Variants in ZNF559 observed in about 807,000 individuals in gnomAD.
ZNF559 encodes the protein putative protein product of Nbla00121.
A neutral mutation model predicts 14.2 loss-of-function variants in ZNF559; 17 were observed. The observed-to-expected ratio is 1.20, with a 90% CI of 0.82 to 1.80. ZNF559 has a LOEUF of 1.80. Ranked by LOEUF, ZNF559 falls within the 40% of genes most tolerant of loss-of-function variation. ZNF559 has a pLI of 0.00. For synonymous variants in ZNF559, 244 were observed against 212.4 expected (o/e 1.15, Z -1.29); for missense variants, 740 against 629.7 (o/e 1.18, Z -1.88).
chr19:9,327,714 CT>C (rs1170615531), intron 2 of ZNF559, among the ~76,000 whole-genome samples: 2 of 150,692 alleles, frequency 1.3e-5, no homozygotes, highest in East Asian at 1.9e-4. Flanking sequence ...GCCCTCTATA[CT>C]TTTTTTCTTT....
In ZNF559 at chr19:9,342,397, A is replaced by C. The variant is rs777418750; in HGVS notation, c.946A>C (p.Ile316Leu). 6.2e-7 allele frequency: 1 copy of C among 1,612,964 alleles called. No individual in the cohort carries two copies. Among genetic ancestry groups the C allele is most frequent in the African/African-American group, 1.3e-5 (1 of 75,012 alleles). ...FTCFSKLNIH[I>L]RVHTGEKPYE... ...TTGTTTCTCAAAACTCAACATTCAC[A>C]TAAGGGTTCACACTGGAGAAAAACC... The change falls in exon 7 of 7, where the codon ATA (isoleucine) becomes CTA (leucine). Residue 316 changes from isoleucine (I) to leucine (L), a missense_variant. Coordinates refer to ENST00000603380, the MANE Select transcript of ZNF559 (RefSeq NM_032497.3).
upstream of ZNF559, chr19:9,324,012 T>G: frequency 1.4e-6 from 1 of 729,076 alleles, no homozygotes; most frequent in Non-Finnish European, 2.2e-6. Context: ...CAGCTTGCAG[T>G]CAAGACCCCC....
At position 9,339,262 on chromosome 19, in the gene ZNF559, C is replaced by CA; in HGVS notation, c.104dup (p.Arg36GlufsTer13). The CA allele has an allele frequency of 1.2e-6, 2 of 1,613,918 alleles. No individual in the cohort carries two copies. The highest frequency in any genetic ancestry group is 8.5e-7 in the Non-Finnish European group (1 of 1,179,960). ...GGAGTGGACTTTGCTGGATCAAACT[C>CA]AGAGAAACTTATACAGAGATGTGAT... is the stretch of plus-strand genomic sequence containing the variant. On this transcript the variant is annotated frameshift_variant, in exon 5 of 7. Coordinates refer to ENST00000603380, the MANE Select transcript of ZNF559 (RefSeq NM_032497.3). LOFTEE classifies it high-confidence loss of function.
intron 4 of ZNF559, 80 bp from the exon 5 acceptor site, chr19:9,339,112 GC>G: frequency 6.3e-7 from 1 of 1,596,168 alleles, no homozygotes; most frequent in East Asian, 2.3e-5. Context: ...GTCAAGGCAT[GC>G]CAAGACAAGG....
chr19:9,338,670 A>G (rs2067373188), intron 4 of ZNF559, 88 bp downstream of exon 4: 2 of 998,338 alleles, frequency 2.0e-6, no homozygotes, highest in Non-Finnish European at 3.1e-6. Context: ...GGGCCCCTGC[A>G]AGCAAAGAGG....
intron 2 of ZNF559, among the ~76,000 whole-genome samples, chr19:9,329,306 T>A (rs2066811389): frequency 6.6e-6 from 1 of 152,222 alleles, no homozygotes; most frequent in Non-Finnish European, 1.5e-5. Flanking sequence ...CTATTTTGTC[T>A]GGGTGATCCA....
intron 2 of ZNF559, among the ~76,000 whole-genome samples, chr19:9,336,806 C>T (rs1043419346): frequency 5.9e-5 from 9 of 152,074 alleles, no homozygotes; most frequent in South Asian, 2.1e-4. Context: ...AGCCACCTGG[C>T]CTACATGATT....
chr19:9,342,213 A>G lies in ZNF559; in HGVS notation c.762A>G (p.Ser254=), dbSNP rs776009575. The G allele has an allele frequency of 4.4e-6, 7 of 1,595,096 alleles. No individual in the cohort carries two copies. Among genetic ancestry groups the G allele is most frequent in the Non-Finnish European group, 4.3e-6 (5 of 1,173,914 alleles). ...KACGKPFTES[S]YLTQHLRTHS... ...GTGGGAAACCCTTCACTGAGTCGTC[A>G]TATCTTACTCAACATTTAAGAACTC... is the stretch of plus-strand genomic sequence containing the variant. The change falls in exon 7 of 7, where the codon TCA becomes TCG. Residue 254 remains serine, a synonymous_variant. Transcript: ENST00000603380.
chr19:9,328,672 G>A (rs1281058766), intron 2 of ZNF559, among the ~76,000 whole-genome samples: 2 of 152,108 alleles, frequency 1.3e-5, no homozygotes, highest in African/African-American at 2.4e-5. Flanking sequence ...ACTGCGCCTG[G>A]CCTAAATGCA....
Position 9,339,978 on chromosome 19 carries a change from G to A in ZNF559, c.160+659G>A, listed in dbSNP as rs1215054733. On this transcript the variant is annotated intron_variant, in intron 5 of 6. Transcript: ENST00000603380. Reference sequence around the variant, plus strand: ...TTTTTTTGTATTTTTAGTAGGAACAGGGTTTCACTGTGTTAGCCAGGATGG... The same window carrying A: ...TTTTTTTGTATTTTTAGTAGGAACAAGGTTTCACTGTGTTAGCCAGGATGG... 1.1e-4 allele frequency among the ~76,000 whole-genome samples: 15 copies of A among 140,390 alleles called. No homozygotes were observed. The Admixed American group carries it at 1.1e-3, about 10-fold the overall frequency. The allele number at this position is 140,390 out of a possible 152,430, so 92.1% of individuals were successfully genotyped here.
At chr19:9,341,383 A>G in intron 6 of ZNF559, 199 bp downstream of exon 6, 2 of 759,708 alleles carry the variant, frequency 2.6e-6, no homozygotes, top group Non-Finnish European at 2.3e-6. Context: ...ATTTGTTTAC[A>G]TATTTCCTTC....
In ZNF559 at chr19:9,341,655, T is replaced by C. The variant is rs1019085684; in HGVS notation, c.244-40T>C. ...AGGGAGAATCTCAATGAAATAAATT[T>C]GGAAAACTTCTATGAACCATCATTA... is the stretch of plus-strand genomic sequence containing the variant. On this transcript the variant is annotated intron_variant, in intron 6 of 6. Coordinates refer to ENST00000603380, the MANE Select transcript of ZNF559 (RefSeq NM_032497.3). The C allele has an allele frequency of 1.2e-5, 20 of 1,603,636 alleles. No homozygotes were observed. In the African/African-American group the frequency reaches 2.7e-4, roughly 22 times the overall value.
intron 2 of ZNF559, among the ~76,000 whole-genome samples, chr19:9,331,089 G>A (rs1353485379): frequency 1.3e-5 from 2 of 152,098 alleles, no homozygotes; most frequent in African/African-American, 4.8e-5. Context: ...ATTTTTCTCA[G>A]TCATACAGAG....
rs139179191 is a variant in ZNF559, at chr19:9,336,872, G to T, written c.-119-924G>T. 5.9e-5 allele frequency among the ~76,000 whole-genome samples: 9 copies of T among 152,266 alleles called. No individual in the cohort carries two copies. In the East Asian group the frequency reaches 1.5e-3, roughly 26 times the overall value. On this transcript the variant is annotated intron_variant, in intron 2 of 6. Coordinates refer to ENST00000603380, the MANE Select transcript of ZNF559 (RefSeq NM_032497.3). ...ATTCAATAAGCCATTTGTGTTGGGG[G>T]TCCTCAAGACCACCACCCTCACGCT... is the stretch of plus-strand genomic sequence containing the variant.
chr19:9,332,133 A>G (rs933589372), intron 2 of ZNF559, among the ~76,000 whole-genome samples: 5 of 152,158 alleles, frequency 3.3e-5, no homozygotes, highest in Non-Finnish European at 5.9e-5. Flanking sequence ...ATTAGGCTGA[A>G]AATTTTTCTT....
upstream of ZNF559, chr19:9,324,145 C>G (rs761262952): frequency 1.3e-6 from 2 of 1,535,738 alleles, no homozygotes; most frequent in South Asian, 2.4e-5. Context: ...GTGGTCCTAG[C>G]CTTTGCGCGT....
intron 5 of ZNF559, among the ~76,000 whole-genome samples, chr19:9,340,403 G>C (rs1273891179): frequency 2.6e-5 from 4 of 152,000 alleles, no homozygotes; most frequent in Non-Finnish European, 5.9e-5. Flanking sequence ...ACTTTCTTTT[G>C]CTCTGACATT....
At position 9,339,260 on chromosome 19, in the gene ZNF559, C is replaced by G; in HGVS notation, c.101C>G (p.Thr34Ser). 1 of 1,613,886 alleles carries G rather than the reference C, an allele frequency of 6.2e-7. No homozygotes were observed. Among genetic ancestry groups the G allele is most frequent in the Non-Finnish European group, 8.5e-7 (1 of 1,179,938 alleles). The change falls in exon 5 of 7, where the codon ACT (threonine) becomes AGT (serine). Residue 34 changes from threonine to serine, a missense_variant. Transcript: ENST00000603380. The stretch of plus-strand genomic sequence containing the variant: ...GAGGAGTGGACTTTGCTGGATCAAA[C>G]TCAGAGAAACTTATACAGAGATGTG... ...TQEEWTLLDQ[T>S]QRNLYRDVML...
At chr19:9,329,652 G>A (rs985790597) in intron 2 of ZNF559, among the ~76,000 whole-genome samples, 1 of 152,112 alleles carries the variant, frequency 6.6e-6, no homozygotes, top group Admixed American at 6.6e-5. Context: ...TTGTAGCCAG[G>A]AGATAGTTGG....
Sources: allele counts gnomAD v4.1 joint callset (sites outside exome capture counted in the v4.1 genomes callset), GRCh38; gene constraint gnomAD v4.1.1; transcripts MANE v1.5; gene names NCBI Gene and HGNC (gene_info 2026-07-23, HGNC 2026-07-21).